Variants in COPG2 observed in about 807,000 individuals in gnomAD.
The protein encoded by COPG2 is coat protein complex I subunit gamma 2.
Under a neutral mutation model 46.3 loss-of-function variants are expected in COPG2, and 37 were observed. That is an observed-to-expected ratio of 0.80 (90% confidence interval 0.61 to 1.05). The LOEUF (loss-of-function observed/expected upper bound fraction) is 1.05. Ranked by LOEUF, COPG2 falls within the 50% of genes least tolerant of loss-of-function variation. The pLI is 0.00. For missense variants in COPG2, 427 were observed against 387.8 expected (o/e 1.10, Z -0.85); for synonymous variants, 159 against 129.7 (o/e 1.23, Z -1.53).
chr7:130,584,277 C>T (rs1297101991), intron 9 of COPG2, among the ~76,000 whole-genome samples: 4 of 152,030 alleles, frequency 2.6e-5, no homozygotes, highest in Non-Finnish European at 5.9e-5. Flanking sequence ...ATGATTAAAA[C>T]TCTCAGCAAA....
At chr7:130,528,973 T>C (rs933257044) in intron 20 of COPG2, among the ~76,000 whole-genome samples, 56 of 151,758 alleles carry the variant, frequency 3.7e-4, no homozygotes, top group Admixed American at 2.0e-4. Context: ...AGGATGGCAA[T>C]AGACAAGGAG....
intron 9 of COPG2, among the ~76,000 whole-genome samples, chr7:130,590,773 G>A (rs1185621568): frequency 6.6e-6 from 1 of 151,566 alleles, no homozygotes; most frequent in Non-Finnish European, 1.5e-5. Flanking sequence ...AAAGTGAGGA[G>A]CGTCTCTGCC....
At chr7:130,515,964 A>G in intron 20 of COPG2, among the ~76,000 whole-genome samples, 1 of 152,248 alleles carries the variant, frequency 6.6e-6, no homozygotes, top group South Asian at 2.1e-4. Context: ...GTCACTGTTC[A>G]GGAAGCTGTG....
At position 130,613,737 on chromosome 7, in the gene COPG2, T is replaced by C. The variant is rs1584579858; in HGVS notation, c.400-101A>G. ...TTTTCAAAAACCAATCTTATATTTG[T>C]TTCTGTGCAAATATTCAGAATGCAC... is the stretch of plus-strand genomic sequence containing the variant. On this transcript the variant is annotated intron_variant, in intron 6 of 23. Coordinates refer to ENST00000425248, the MANE Select transcript of COPG2 (RefSeq NM_012133.6). The C allele has an allele frequency of 5.2e-6, 4 of 769,478 alleles. 1 individual carries two copies. The Middle Eastern group carries it at 8.6e-4, about 166-fold the overall frequency. The allele number at this position is 769,478 out of a possible 1,614,324, so 47.7% of individuals were successfully genotyped here.
chr7:130,521,000 A>G (rs1035834379), intron 20 of COPG2, among the ~76,000 whole-genome samples: 1 of 152,220 alleles, frequency 6.6e-6, no homozygotes, highest in African/African-American at 2.4e-5. Flanking sequence ...GTTTTCTTTT[A>G]TCATAGTGTT....
chr7:130,512,852 A>G (rs1236397252), intron 20 of COPG2, among the ~76,000 whole-genome samples: 2 of 152,216 alleles, frequency 1.3e-5, no homozygotes, highest in Admixed American at 1.3e-4. Flanking sequence ...TTACTCTGCT[A>G]TGTGAGGATT....
chr7:130,568,162 C>T (rs1793834750), intron 9 of COPG2, among the ~76,000 whole-genome samples: 1 of 152,080 alleles, frequency 6.6e-6, no homozygotes, highest in Non-Finnish European at 1.5e-5. Context: ...GTAGTCCCAG[C>T]TACTCGGGAG....
intron 5 of COPG2, among the ~76,000 whole-genome samples, chr7:130,651,507 T>G (rs1554459085): frequency 1.1e-5 from 1 of 90,206 alleles, no homozygotes; most frequent in African/African-American, 4.0e-5. Context: ...TTTTTTTTTT[T>G]TTTTTTTTTT....
chr7:130,535,085 G>A (rs1281313886), intron 20 of COPG2, among the ~76,000 whole-genome samples: 3 of 152,190 alleles, frequency 2.0e-5, no homozygotes, highest in Non-Finnish European at 2.9e-5. Context: ...GGATGGAAAA[G>A]TTTGAGCGGT....
intron 5 of COPG2, among the ~76,000 whole-genome samples, chr7:130,641,973 G>A (rs782259578): frequency 1.3e-5 from 2 of 152,124 alleles, no homozygotes; most frequent in Non-Finnish European, 2.9e-5. Context: ...AAACCGGGAC[G>A]TAACTTCTCA....
intron 5 of COPG2, among the ~76,000 whole-genome samples, chr7:130,644,544 T>C (rs1336397822): frequency 6.6e-6 from 1 of 152,134 alleles, no homozygotes; most frequent in African/African-American, 2.4e-5. Context: ...ACCATTTAAG[T>C]AGATGTAAAA....
chr7:130,567,144 C>A (rs1354308332), intron 9 of COPG2, among the ~76,000 whole-genome samples: 2 of 152,256 alleles, frequency 1.3e-5, no homozygotes, highest in East Asian at 3.9e-4. Flanking sequence ...AACACAGGGA[C>A]AGAAAACCAA....
intron 14 of COPG2, among the ~76,000 whole-genome samples, chr7:130,553,947 A>G (rs1175423556): frequency 1.3e-5 from 2 of 152,212 alleles, no homozygotes; most frequent in African/African-American, 4.8e-5. Flanking sequence ...TTTCAATAAA[A>G]TTACTTGAGG....
At chr7:130,628,825 A>T (rs1026753410) in intron 5 of COPG2, among the ~76,000 whole-genome samples, 2 of 152,208 alleles carry the variant, frequency 1.3e-5, no homozygotes, top group African/African-American at 4.8e-5. Context: ...CAGGAGGATC[A>T]CTTGATGCCA....
rs138323811 is a variant in COPG2, at chr7:130,608,005, G to T, written c.737+2948C>A. ...TTTGTACTAATGTCAATTATTATTT[G>T]CAGGAGGATTAAGCTGGCCAAGCTA... On this transcript the variant is annotated intron_variant, in intron 9 of 23. Coordinates refer to ENST00000425248, the MANE Select transcript of COPG2 (RefSeq NM_012133.6). Among the ~76,000 whole-genome samples the T allele has an allele frequency of 7.5e-4, 114 of 152,232 alleles. 1 individual carries two copies. In the East Asian group the frequency reaches 0.021, roughly 28 times the overall value.
At chr7:130,634,761 T>A (rs781943155) in intron 5 of COPG2, among the ~76,000 whole-genome samples, 9 of 152,090 alleles carry the variant, frequency 5.9e-5, no homozygotes, top group Non-Finnish European at 1.2e-4. Context: ...ATAGGAGTGG[T>A]GAGAGAGGGC....
chr7:130,547,539 AAC>A (rs1392022609), intron 20 of COPG2, 133 bp downstream of exon 20: 40 of 393,858 alleles, frequency 1.0e-4, no homozygotes, highest in Non-Finnish European at 1.3e-4. Context: ...CACACACACA[AAC>A]ACACACACAC....
rs567454229 is a variant in COPG2, at chr7:130,616,226, T to C, written c.399+764A>G. Among the ~76,000 whole-genome samples the C allele has an allele frequency of 2.0e-5, 3 of 152,362 alleles. No homozygotes were observed. In the East Asian group the frequency reaches 5.8e-4, roughly 29 times the overall value. On this transcript the variant is annotated intron_variant, in intron 6 of 23. Transcript: ENST00000425248. ...ATTTTTTTCCAAGTGCAAAATACTC[T>C]ATGAACTGCATCATTTGCTGTTTAT...
chr7:130,507,462 A>AG, intron 22 of COPG2, 90 bp from the exon 23 acceptor site: 1 of 754,676 alleles, frequency 1.3e-6, no homozygotes, highest in Non-Finnish European at 2.5e-6. Flanking sequence ...CTGGGGTGGA[A>AG]GGGTTTGTTG....
Sources: allele counts gnomAD v4.1 joint callset (sites outside exome capture counted in the v4.1 genomes callset), GRCh38; gene constraint gnomAD v4.1.1; transcripts MANE v1.5; gene names NCBI Gene and HGNC (gene_info 2026-07-23, HGNC 2026-07-21).